SLC24A3: variants seen among roughly 807,000 people sequenced by gnomAD.
SLC24A3 encodes the protein solute carrier family 24 member 3.
In SLC24A3, 28 loss-of-function variants were observed where a neutral mutation model predicts 75.8. That is an observed-to-expected ratio of 0.37 (90% confidence interval 0.27 to 0.51). The LOEUF (loss-of-function observed/expected upper bound fraction) is 0.51. SLC24A3 is among the 20% of genes least tolerant of loss of function. The pLI, the probability that SLC24A3 is intolerant of heterozygous loss-of-function variation, is 0.94. For synonymous variants in SLC24A3, 372 were observed against 334.1 expected (o/e 1.11, Z -1.24); for missense variants, 663 against 847.8 (o/e 0.78, Z 2.71).
chr20:19,240,711 G>C (rs1164640213), intron 1 of SLC24A3, among the ~76,000 whole-genome samples: 1 of 152,288 alleles, frequency 6.6e-6, no homozygotes, highest in East Asian at 1.9e-4. Flanking sequence ...TGTTGTCTCT[G>C]CTTGGGTTTG....
chr20:19,438,101 C>T (rs1341652645), intron 2 of SLC24A3, among the ~76,000 whole-genome samples: 1 of 152,074 alleles, frequency 6.6e-6, no homozygotes, highest in African/African-American at 2.4e-5. Flanking sequence ...ACCCAGGGCC[C>T]CTGTGTTTTT....
intron 3 of SLC24A3, among the ~76,000 whole-genome samples, chr20:19,552,792 C>G (rs578245348): frequency 6.6e-6 from 1 of 152,278 alleles, no homozygotes; most frequent in East Asian, 1.9e-4. Context: ...CAAAAAGTCT[C>G]CCTCCGGTGA....
At chr20:19,683,460 C>T (rs544123095) in intron 10 of SLC24A3, among the ~76,000 whole-genome samples, 8 of 152,286 alleles carry the variant, frequency 5.3e-5, no homozygotes, top group Non-Finnish European at 8.8e-5. Flanking sequence ...GGTGAACTAT[C>T]ACACAAGATT....
intron 2 of SLC24A3, among the ~76,000 whole-genome samples, chr20:19,386,213 T>G (rs1986269788): frequency 6.6e-6 from 1 of 152,246 alleles, no homozygotes; most frequent in East Asian, 1.9e-4. Context: ...GGTTTCTTTC[T>G]CAGATAGTTT....
At chr20:19,641,614 C>T (rs1055883013) in intron 6 of SLC24A3, among the ~76,000 whole-genome samples, 2 of 152,052 alleles carry the variant, frequency 1.3e-5, no homozygotes, top group African/African-American at 2.4e-5. Flanking sequence ...TTTTTATTGT[C>T]TCACATCTAT....
intron 2 of SLC24A3, among the ~76,000 whole-genome samples, chr20:19,296,567 G>A (rs1018466206): frequency 6.6e-6 from 1 of 152,032 alleles, no homozygotes; most frequent in Non-Finnish European, 1.5e-5. Context: ...AAATACATAT[G>A]CACCCAATAC....
At chr20:19,238,390 T>G (rs2122159371) in intron 1 of SLC24A3, among the ~76,000 whole-genome samples, 2 of 152,388 alleles carry the variant, frequency 1.3e-5, no homozygotes, top group South Asian at 4.1e-4. Context: ...TTTCCACTGT[T>G]CATCTATAAT....
rs148112960 is a variant in SLC24A3 at position 19,544,695 on chromosome 20, C to G, written c.348+29131C>G. On this transcript the variant is annotated intron_variant, in intron 3 of 16. Coordinates refer to ENST00000328041, the MANE Select transcript of SLC24A3 (RefSeq NM_020689.4). Reference sequence around the variant, plus strand: ...CACCAGTGCAAAATTCCGATAAAAACTGGATTTATACACTCAAGCCTGAGA... The same window carrying G: ...CACCAGTGCAAAATTCCGATAAAAAGTGGATTTATACACTCAAGCCTGAGA... 2.1e-3 allele frequency among the ~76,000 whole-genome samples: 316 copies of G among 152,204 alleles called. 1 individual carries two copies. The highest frequency in any genetic ancestry group is 7.2e-3 in the African/African-American group (297 of 41,516).
intron 6 of SLC24A3, among the ~76,000 whole-genome samples, chr20:19,651,374 TATA>T (rs1568685374): frequency 5.6e-5 from 4 of 71,904 alleles, no homozygotes; most frequent in African/African-American, 2.9e-4. Flanking sequence ...GTTTTTATTA[TATA>T]TATATATATA....
intron 1 of SLC24A3, among the ~76,000 whole-genome samples, chr20:19,238,935 C>T (rs1362065565): frequency 6.7e-6 from 1 of 149,618 alleles, no homozygotes; most frequent in East Asian, 2.0e-4. Context: ...GTTTTATTCC[C>T]ATCCCTCACC....
chr20:19,722,850 G>A lies in SLC24A3; in HGVS notation c.*1710G>A, dbSNP rs1363147969. ...TGCACATTTTGCACTGGTTTATGGC[G>A]ATTGTTTTCTTGGACGGATAGTGTA... On this transcript the variant is annotated 3_prime_UTR_variant, in exon 17 of 17. Coordinates refer to ENST00000328041, the MANE Select transcript of SLC24A3 (RefSeq NM_020689.4). 3 of 152,620 alleles carry A rather than the reference G, an allele frequency of 2.0e-5. No individual in the cohort carries two copies. Among genetic ancestry groups the A allele is most frequent in the East Asian group, 3.8e-4 (2 of 5,200 alleles). 9.5% of individuals were successfully genotyped at this position (152,620 alleles called of 1,614,324 possible).
intron 2 of SLC24A3, among the ~76,000 whole-genome samples, chr20:19,338,735 CAATAG>C (rs1430113953): frequency 9.2e-5 from 14 of 152,220 alleles, no homozygotes; most frequent in Admixed American, 7.9e-4. Flanking sequence ...GGTTTTACAT[CAATAG>C]AATAGGAGTA....
intron 2 of SLC24A3, among the ~76,000 whole-genome samples, chr20:19,327,894 T>C: frequency 6.6e-6 from 1 of 152,312 alleles, no homozygotes; most frequent in South Asian, 2.1e-4. Context: ...CTTCCATGCA[T>C]GGAGTTTCCA....
At chr20:19,592,645 C>T (rs375514468) in intron 6 of SLC24A3, among the ~76,000 whole-genome samples, 205 of 152,200 alleles carry the variant, frequency 1.3e-3, no homozygotes, top group African/African-American at 4.6e-3. Flanking sequence ...GGACTCCTTC[C>T]ATGTAGTTTT....
chr20:19,655,812 C>T (rs574332531), intron 7 of SLC24A3, among the ~76,000 whole-genome samples: 1 of 152,278 alleles, frequency 6.6e-6, no homozygotes, highest in South Asian at 2.1e-4. Flanking sequence ...CGGGCTTAAA[C>T]TTGCACCACA....
At chr20:19,296,625 A>T (rs1164552243) in intron 2 of SLC24A3, among the ~76,000 whole-genome samples, 1 of 152,156 alleles carries the variant, frequency 6.6e-6, no homozygotes, top group Non-Finnish European at 1.5e-5. Context: ...CTACAAAGAG[A>T]CTTAGACTGC....
At chr20:19,362,091 A>T (rs748361029) in intron 2 of SLC24A3, among the ~76,000 whole-genome samples, 4 of 152,240 alleles carry the variant, frequency 2.6e-5, no homozygotes, top group Non-Finnish European at 2.9e-5. Context: ...GAAATTTTCC[A>T]TTAAAAATAA....
At chr20:19,619,585 G>A (rs923149865) in intron 6 of SLC24A3, among the ~76,000 whole-genome samples, 5 of 152,146 alleles carry the variant, frequency 3.3e-5, no homozygotes, top group African/African-American at 9.7e-5. Context: ...TGACATTACT[G>A]GAGCATAGAT....
At chr20:19,415,615 T>C (rs565398695) in intron 2 of SLC24A3, among the ~76,000 whole-genome samples, 87 of 152,198 alleles carry the variant, frequency 5.7e-4, no homozygotes, top group Non-Finnish European at 8.4e-4. Context: ...GTACAAGATT[T>C]TGTGTATCAG....
Sources: allele counts gnomAD v4.1 joint callset (sites outside exome capture counted in the v4.1 genomes callset), GRCh38; gene constraint gnomAD v4.1.1; transcripts MANE v1.5; gene names NCBI Gene and HGNC (gene_info 2026-07-23, HGNC 2026-07-21).